EPB41L2: variants seen among roughly 807,000 people sequenced by gnomAD.
The protein encoded by EPB41L2 is band 4.1-like protein 2.
In EPB41L2, 43 loss-of-function variants were observed where a neutral mutation model predicts 113.0. The ratio of observed to expected loss-of-function variants is 0.38; its 90% CI spans 0.30 to 0.49. EPB41L2 has a LOEUF of 0.49. Ranked by LOEUF, EPB41L2 falls within the 20% of genes least tolerant of loss-of-function variation. The pLI is 0.95. For synonymous variants in EPB41L2, 442 were observed against 436.7 expected (o/e 1.01, Z -0.15); for missense variants, 1,147 against 1,223.4 (o/e 0.94, Z 0.93).
At chr6:131,048,160 A>AG (rs1464432045) in intron 1 of EPB41L2, among the ~76,000 whole-genome samples, 5 of 147,572 alleles carry the variant, frequency 3.4e-5, no homozygotes, top group Non-Finnish European at 5.9e-5. Flanking sequence ...AAAAAAAAGA[A>AG]AAAAAGAAAA....
At chr6:131,050,008 TCTTA>T (rs1019579776) in intron 1 of EPB41L2, among the ~76,000 whole-genome samples, 3 of 152,134 alleles carry the variant, frequency 2.0e-5, no homozygotes, top group Non-Finnish European at 2.9e-5. Context: ...TCTTCGCTCT[TCTTA>T]CTTGTCAGAC....
chr6:130,856,319 A>G (rs1346117778), intron 19 of EPB41L2, among the ~76,000 whole-genome samples: 1 of 152,248 alleles, frequency 6.6e-6, no homozygotes, highest in African/African-American at 2.4e-5. Flanking sequence ...AACATATAAA[A>G]TTGACAAAGG....
At position 131,051,465 on chromosome 6, in the gene EPB41L2, A is replaced by AAACAC. The variant is rs770424797; in HGVS notation, c.-15+11689_-15+11690insGTGTT. Among the ~76,000 whole-genome samples, 1,206 of 143,626 alleles carry AAACAC rather than the reference A, an allele frequency of 8.4e-3. 141 individuals carry two copies. The East Asian group carries it at 0.22, about 27-fold the overall frequency. 94.2% of individuals were successfully genotyped at this position (143,626 alleles called of 152,430 possible). ...ACAAAAGTAAAGCAAAAAAAAAAAA[A>AAACAC]ACACACACACACACACACACAACAG... On this transcript the variant is annotated intron_variant, in intron 1 of 19. Coordinates refer to ENST00000337057, the MANE Select transcript of EPB41L2 (RefSeq NM_001431.4).
intron 19 of EPB41L2, among the ~76,000 whole-genome samples, chr6:130,851,901 C>G (rs533368807): frequency 8.3e-4 from 127 of 152,262 alleles, no homozygotes; most frequent in African/African-American, 2.7e-3. Context: ...CAGCTCTGAG[C>G]TAGCCCTGGA....
At chr6:130,940,940 T>G (rs1000954681) in intron 3 of EPB41L2, among the ~76,000 whole-genome samples, 1 of 152,200 alleles carries the variant, frequency 6.6e-6, no homozygotes, top group Non-Finnish European at 1.5e-5. Flanking sequence ...TAAGTGTGTG[T>G]GTGTATAAAC....
Position 130,956,481 on chromosome 6 carries a change from G to T in EPB41L2, c.5C>A (p.Thr2Asn). 2 of 1,611,196 alleles carry T rather than the reference G, an allele frequency of 1.2e-6. No homozygotes were observed. Among genetic ancestry groups the T allele is most frequent in the Non-Finnish European group, 1.7e-6 (2 of 1,178,962 alleles). ...TTCAGACACAGAGCCTACTTCAGTA[G>T]TCATGGCCACAGCTTATGCTGTAAT... The part of the protein sequence containing the change: M[T>N]TEVGSVSEVK... The change falls in exon 2 of 20, where the codon ACT (threonine) becomes AAT (asparagine). Residue 2 changes from threonine to asparagine, a missense_variant. Physicochemically the swap from Thr to Asn is moderately conservative, Grantham distance 65. Transcript: ENST00000337057.
chr6:131,050,437 T>A (rs1244386353), intron 1 of EPB41L2, among the ~76,000 whole-genome samples: 3 of 152,208 alleles, frequency 2.0e-5, no homozygotes, highest in Admixed American at 6.5e-5. Context: ...TATTAATGCA[T>A]AATAGATTTG....
rs573250650 is a variant in EPB41L2, at chr6:131,062,863, G to A, written c.-15+292C>T. Among the ~76,000 whole-genome samples, 6 of 152,090 alleles carry A rather than the reference G, an allele frequency of 3.9e-5. No homozygotes were observed. In the South Asian group the frequency reaches 1.2e-3, roughly 31 times the overall value. On this transcript the variant is annotated intron_variant, in intron 1 of 19. Transcript: ENST00000337057. The stretch of plus-strand genomic sequence containing the variant: ...CGGAAGAGGGAAGAGGGGGACCGCG[G>A]GGAGCAGCGAAGCCGGGATCCGGCC...
intron 1 of EPB41L2, among the ~76,000 whole-genome samples, chr6:130,984,086 T>C (rs1179360914): frequency 6.6e-6 from 1 of 152,148 alleles, no homozygotes; most frequent in Non-Finnish European, 1.5e-5. Context: ...AAAACACACA[T>C]ACTAGCATAG....
chr6:130,859,937 C>T (rs1302499415), intron 18 of EPB41L2, among the ~76,000 whole-genome samples: 1 of 152,002 alleles, frequency 6.6e-6, no homozygotes, highest in Non-Finnish European at 1.5e-5. Flanking sequence ...TTTGTCAAGG[C>T]GGGAGAGTGA....
chr6:131,057,338 C>A (rs765103066), intron 1 of EPB41L2, among the ~76,000 whole-genome samples: 1 of 152,156 alleles, frequency 6.6e-6, no homozygotes, highest in Non-Finnish European at 1.5e-5. Flanking sequence ...GCCCAAGAAC[C>A]CCACTCTCCA....
chr6:130,868,864 C>T (rs1203222957), intron 15 of EPB41L2: 1 of 152,226 alleles, frequency 6.6e-6, no homozygotes, highest in African/African-American at 2.4e-5. Context: ...CTGGCAAATA[C>T]TCCAGAATTG....
chr6:130,917,559 T>A (rs12110524), intron 4 of EPB41L2, among the ~76,000 whole-genome samples: 42,853 of 151,798 alleles, frequency 0.28, 7,926 homozygotes, highest in African/African-American at 0.52. Flanking sequence ...ATGTTTCCTC[T>A]TATTAGTTTC....
intron 4 of EPB41L2, among the ~76,000 whole-genome samples, chr6:130,912,699 T>C (rs1799789315): frequency 6.6e-6 from 1 of 152,128 alleles, no homozygotes; most frequent in African/African-American, 2.4e-5. Context: ...CTGCAGCTGC[T>C]GTCCCACCCA....
chr6:131,040,772 T>C (rs1043815574), intron 1 of EPB41L2, among the ~76,000 whole-genome samples: 1 of 152,204 alleles, frequency 6.6e-6, no homozygotes, highest in East Asian at 1.9e-4. Context: ...ATGTAAACCA[T>C]ACAAAATTGG....
At chr6:130,891,499 A>G (rs1217771772) in intron 10 of EPB41L2, among the ~76,000 whole-genome samples, 1 of 152,118 alleles carries the variant, frequency 6.6e-6, no homozygotes, top group Non-Finnish European at 1.5e-5. Flanking sequence ...CCCAGGCTAG[A>G]GTGCAGTGTT....
At chr6:131,056,457 A>G (rs935368882) in intron 1 of EPB41L2, among the ~76,000 whole-genome samples, 1 of 152,236 alleles carries the variant, frequency 6.6e-6, no homozygotes, top group Non-Finnish European at 1.5e-5. Flanking sequence ...AAGAGTTTCT[A>G]AAAGCTCAAA....
intron 1 of EPB41L2, among the ~76,000 whole-genome samples, chr6:131,046,055 T>TG (rs780557798): frequency 3.4e-5 from 5 of 148,804 alleles, no homozygotes; most frequent in Non-Finnish European, 7.4e-5. Flanking sequence ...CAAGGGATCC[T>TG]CCCGCCTCAG....
chr6:130,905,615 C>G (rs770053104), intron 5 of EPB41L2, among the ~76,000 whole-genome samples: 5 of 152,040 alleles, frequency 3.3e-5, no homozygotes, highest in Non-Finnish European at 5.9e-5. Context: ...GAGACGGGGT[C>G]TCCCTATGTT....
Sources: allele counts gnomAD v4.1 joint callset (sites outside exome capture counted in the v4.1 genomes callset), GRCh38; gene constraint gnomAD v4.1.1; transcripts MANE v1.5; gene names NCBI Gene and HGNC (gene_info 2026-07-23, HGNC 2026-07-21).